ARNT2: variants seen among roughly 807,000 people sequenced by gnomAD.
ARNT2 encodes the protein ARNT protein 2.
ARNT2 carries 36 observed loss-of-function variants against 91.7 expected under a neutral mutation model. The observed-to-expected ratio is 0.39, with a 90% confidence interval of 0.30 to 0.52. The LOEUF (loss-of-function observed/expected upper bound fraction) is 0.52, where lower values mean the gene tolerates loss of function less well. Among genes scored for constraint, ARNT2 ranks in the 20% least tolerant of loss-of-function variants. The pLI is 0.72. For missense variants in ARNT2, 775 were observed against 939.3 expected (o/e 0.83, Z 2.29); for synonymous variants, 365 against 347.1 (o/e 1.05, Z -0.57).
intron 6 of ARNT2, among the ~76,000 whole-genome samples, chr15:80,510,659 T>A (rs1028837558): frequency 6.6e-6 from 1 of 151,976 alleles, no homozygotes; most frequent in African/African-American, 2.4e-5. Flanking sequence ...TGAAACCCCG[T>A]CTCTACTAAA....
At chr15:80,551,830 A>T (rs1471747018) in intron 9 of ARNT2, among the ~76,000 whole-genome samples, 2 of 152,112 alleles carry the variant, frequency 1.3e-5, no homozygotes, top group African/African-American at 4.8e-5. Flanking sequence ...AGTCTAAATC[A>T]ATCCTTCTCT....
chr15:80,420,326 T>C (rs1283614590), intron 1 of ARNT2, among the ~76,000 whole-genome samples: 3 of 152,134 alleles, frequency 2.0e-5, no homozygotes, highest in Non-Finnish European at 4.4e-5. Context: ...ACTATTGATA[T>C]TTGGTACAGT....
At chr15:80,583,544 A>G (rs568512092) in intron 17 of ARNT2, among the ~76,000 whole-genome samples, 1 of 152,320 alleles carries the variant, frequency 6.6e-6, no homozygotes, top group South Asian at 2.1e-4. Flanking sequence ...TCACACTCAG[A>G]TGATAATAAT....
At chr15:80,415,002 C>A (rs1895757426) in intron 1 of ARNT2, among the ~76,000 whole-genome samples, 1 of 152,208 alleles carries the variant, frequency 6.6e-6, no homozygotes. Flanking sequence ...AAATGACTGA[C>A]CAACCATTGG....
At chr15:80,487,045 C>A (rs1288209599) in intron 5 of ARNT2, among the ~76,000 whole-genome samples, 3 of 152,154 alleles carry the variant, frequency 2.0e-5, no homozygotes, top group Admixed American at 1.3e-4. Flanking sequence ...GCAGCACTTC[C>A]CCCTCTTCCT....
intron 10 of ARNT2, 80 bp from the exon 11 acceptor site, chr15:80,554,985 T>C: frequency 6.9e-7 from 1 of 1,445,966 alleles, no homozygotes; most frequent in East Asian, 2.3e-5. Context: ...GAGATGGAAA[T>C]GAACACTGTT....
At chr15:80,510,851 T>A (rs1226449227) in intron 6 of ARNT2, among the ~76,000 whole-genome samples, 1 of 151,662 alleles carries the variant, frequency 6.6e-6, no homozygotes, top group Non-Finnish European at 1.5e-5. Context: ...AAATAAATAA[T>A]AAAAATTTAA....
intron 3 of ARNT2, among the ~76,000 whole-genome samples, chr15:80,467,628 C>T (rs138660650): frequency 1.5e-3 from 231 of 152,304 alleles, no homozygotes; most frequent in African/African-American, 5.2e-3. Flanking sequence ...GATCTTACAA[C>T]GCCCATCAGC....
Position 80,470,404 on chromosome 15 carries a change from G to C in ARNT2, c.381G>C (p.Ala127=). The C allele has an allele frequency of 6.2e-7, 1 of 1,614,162 alleles. No individual in the cohort carries two copies. Among genetic ancestry groups the C allele is most frequent in the Non-Finnish European group, 8.5e-7 (1 of 1,180,034 alleles). The change falls in exon 4 of 19, where the codon GCG becomes GCC. Residue 127 remains alanine (A), a synonymous_variant. Coordinates refer to ENST00000303329, the MANE Select transcript of ARNT2 (RefSeq NM_014862.4). ...RGTGNKSTDG[A]YKPSFLTEQE... is the part of the protein sequence containing the mutation. ...CAGGGAACAAGTCCACCGATGGCGC[G>C]TACAAGCCTTCCTTCCTCACAGAGC...
intron 11 of ARNT2, among the ~76,000 whole-genome samples, chr15:80,562,619 C>T (rs1393521259): frequency 9.9e-5 from 15 of 152,106 alleles, no homozygotes. Context: ...CATTTTACAA[C>T]GTTAAGCAGG....
Position 80,475,201 on chromosome 15 carries a change from C to T in ARNT2, c.600C>T (p.Cys200=). ...TGGAGAAGCTGAGAGAGCAACTGTG[C>T]ACCTCAGAAAACTCAATGACAGGTC... ...DDVEKLREQL[C]TSENSMTGRI... The change falls in exon 5 of 19, where the codon TGC becomes TGT. Residue 200 remains cysteine (C), a synonymous_variant. Coordinates refer to ENST00000303329, the MANE Select transcript of ARNT2 (RefSeq NM_014862.4). 6.2e-7 allele frequency: 1 copy of T among 1,614,020 alleles called. No individual in the cohort carries two copies. Among genetic ancestry groups the T allele is most frequent in the East Asian group, 2.2e-5 (1 of 44,884 alleles).
intron 17 of ARNT2, among the ~76,000 whole-genome samples, chr15:80,584,045 T>G (rs1898846161): frequency 6.6e-6 from 1 of 152,204 alleles, no homozygotes. Context: ...TGGAATAGGA[T>G]GCAGGGAGAG....
chr15:80,546,574 A>G lies in ARNT2; in HGVS notation c.878-4625A>G, dbSNP rs113524821. Among the ~76,000 whole-genome samples the G allele has an allele frequency of 3.4e-3, 519 of 152,380 alleles. 2 individuals are homozygous for G. Among genetic ancestry groups the G allele is most frequent in the African/African-American group, 0.012 (484 of 41,584 alleles). On this transcript the variant is annotated intron_variant, in intron 8 of 18. Transcript: ENST00000303329. ...TTTGAAAGACCTGTGAGACTGAGGT[A>G]GACATTTTCAGTAGGTAAGTGAAGG...
At position 80,597,564 on chromosome 15, in the gene ARNT2, CTT is replaced by C. The variant is rs1330736088; in HGVS notation, c.*3869_*3870del. 1 of 229,492 alleles carries C rather than the reference CTT, an allele frequency of 4.4e-6. No homozygotes were observed. Among genetic ancestry groups the C allele is most frequent in the African/African-American group, 2.3e-5 (1 of 43,892 alleles). 14.2% of individuals were successfully genotyped at this position (229,492 alleles called of 1,614,324 possible). Reference sequence around the variant, plus strand: ...CATTTCCAAGCGTAGGTGTCCCTGGCTTTTGTGGCCAAAGCTAGTGTTATGGT... The same window carrying C: ...CATTTCCAAGCGTAGGTGTCCCTGGCTTGTGGCCAAAGCTAGTGTTATGGT... On this transcript the variant is annotated 3_prime_UTR_variant, in exon 19 of 19. Transcript: ENST00000303329.
chr15:80,462,518 T>C (rs910770382), intron 3 of ARNT2, among the ~76,000 whole-genome samples: 28 of 152,244 alleles, frequency 1.8e-4, no homozygotes, highest in Admixed American at 1.6e-3. Context: ...GTGTATTATC[T>C]GTATATTTTT....
chr15:80,561,281 G>A (rs559054306), intron 11 of ARNT2, among the ~76,000 whole-genome samples: 6 of 152,232 alleles, frequency 3.9e-5, no homozygotes, highest in African/African-American at 9.6e-5. Flanking sequence ...TGGCAAACCC[G>A]ACTGCCATGG....
chr15:80,441,206 C>A (rs772679508), intron 1 of ARNT2: 313 of 984,960 alleles, frequency 3.2e-4, no homozygotes, highest in Non-Finnish European at 3.6e-4. Flanking sequence ...ACGGCTGAAT[C>A]ATGGTCCACA....
chr15:80,448,448 G>T (rs1896337389), intron 1 of ARNT2, among the ~76,000 whole-genome samples: 2 of 152,352 alleles, frequency 1.3e-5, no homozygotes, highest in South Asian at 4.1e-4. Context: ...TTGGAGGAAA[G>T]AAAGGACTTG....
At chr15:80,415,765 A>T (rs1895771957) in intron 1 of ARNT2, among the ~76,000 whole-genome samples, 1 of 152,200 alleles carries the variant, frequency 6.6e-6, no homozygotes, top group South Asian at 2.1e-4. Flanking sequence ...AGGGAGTGGT[A>T]GTGTTCCTGA....
Sources: allele counts gnomAD v4.1 joint callset (sites outside exome capture counted in the v4.1 genomes callset), GRCh38; gene constraint gnomAD v4.1.1; transcripts MANE v1.5; gene names NCBI Gene and HGNC (gene_info 2026-07-23, HGNC 2026-07-21).